The following SLC2A13 variants were observed in gnomAD, a reference collection of about 807,000 sequenced individuals.
The protein encoded by SLC2A13 is solute carrier family 2 member 13, also known as proton myo-inositol cotransporter.
A neutral mutation model predicts 64.4 loss-of-function variants in SLC2A13; 32 were observed. That is an observed-to-expected ratio of 0.50 (90% CI 0.37 to 0.67). SLC2A13 has a LOEUF of 0.67. Among genes scored for constraint, SLC2A13 ranks in the 30% least tolerant of loss-of-function variants. The pLI is 0.00. For missense variants in SLC2A13, 743 were observed against 829.2 expected (o/e 0.90, Z 1.28); for synonymous variants, 338 against 327.1 (o/e 1.03, Z -0.36).
chr12:39,928,029 T>C (rs1052124456), intron 4 of SLC2A13, among the ~76,000 whole-genome samples: 1 of 152,170 alleles, frequency 6.6e-6, no homozygotes, highest in Non-Finnish European at 1.5e-5. Flanking sequence ...AGGAAACGAA[T>C]TACATTTCCG....
Position 39,818,705 on chromosome 12 carries a change from C to T in SLC2A13, c.1445+11398G>A, listed in dbSNP as rs182201684. Among the ~76,000 whole-genome samples, 216 of 152,150 alleles carry T rather than the reference C, an allele frequency of 1.4e-3. 1 individual carries two copies. Among genetic ancestry groups the T allele is most frequent in the African/African-American group, 4.9e-3 (203 of 41,508 alleles). On this transcript the variant is annotated intron_variant, in intron 7 of 9. Coordinates refer to ENST00000280871, the MANE Select transcript of SLC2A13 (RefSeq NM_052885.4). ...GTTTGGTATACTATCTTAGGTTATACAGAAAGTTCTTAAAGTTTGTTGAAC... is the reference window on the plus strand; with the variant it reads ...GTTTGGTATACTATCTTAGGTTATATAGAAAGTTCTTAAAGTTTGTTGAAC...
intron 3 of SLC2A13, among the ~76,000 whole-genome samples, chr12:39,972,495 A>C (rs560361669): frequency 1.3e-5 from 2 of 152,252 alleles, no homozygotes; most frequent in South Asian, 4.1e-4. Flanking sequence ...ATCTTGGCCC[A>C]TATCATCTGC....
intron 7 of SLC2A13, among the ~76,000 whole-genome samples, chr12:39,766,118 A>G (rs1435702342): frequency 2.6e-5 from 4 of 152,066 alleles, no homozygotes; most frequent in Admixed American, 6.6e-5. Context: ...TCTGATCACA[A>G]CCACCACTTT....
chr12:40,018,078 C>G (rs1052988820), intron 3 of SLC2A13, among the ~76,000 whole-genome samples: 1 of 151,252 alleles, frequency 6.6e-6, no homozygotes, highest in East Asian at 1.9e-4. Context: ...CTGATAAAAA[C>G]AGACATACTT....
intron 6 of SLC2A13, among the ~76,000 whole-genome samples, chr12:39,846,062 A>G (rs1250687934): frequency 1.3e-5 from 2 of 152,126 alleles, no homozygotes; most frequent in Admixed American, 1.3e-4. Context: ...ATGTTCATCT[A>G]CCTGTGTAAC....
In SLC2A13 at chr12:39,988,663, GAGGGAGGGAGGGAAGA is replaced by G. The variant is rs758258010; in HGVS notation, c.926-37314_926-37299del. Reference sequence around the variant, plus strand: ...GAGGAGAGGGAGAAAAGGAAGGAGGGAGGGAGGGAGGGAAGAAGGGAGGGAGGGAGGAAGGAAGGAA... The same window carrying G: ...GAGGAGAGGGAGAAAAGGAAGGAGGGAGGGAGGGAGGGAGGAAGGAAGGAA... On this transcript the variant is annotated intron_variant, in intron 3 of 9. Transcript: ENST00000280871. Among the ~76,000 whole-genome samples, 469 of 116,530 alleles carry G rather than the reference GAGGGAGGGAGGGAAGA, an allele frequency of 4.0e-3. 4 individuals carry two copies. The highest frequency in any genetic ancestry group is 0.01 in the Middle Eastern group (2 of 192). The allele number at this position is 116,530 out of a possible 152,430, so 76.4% of individuals were successfully genotyped here. A position where few individuals can be genotyped will look rare whatever the true frequency, so the allele number is the denominator to read the frequency against.
chr12:40,095,162 A>G (rs1210601121), intron 1 of SLC2A13, among the ~76,000 whole-genome samples: 1 of 152,234 alleles, frequency 6.6e-6, no homozygotes, highest in Non-Finnish European at 1.5e-5. Flanking sequence ...CCACTATTAT[A>G]CGATTAGATT....
intron 4 of SLC2A13, among the ~76,000 whole-genome samples, chr12:39,924,885 A>G (rs1945691886): frequency 6.6e-6 from 1 of 152,064 alleles, no homozygotes; most frequent in South Asian, 2.1e-4. Context: ...TTCTTTGTCT[A>G]TGTAATACAT....
chr12:39,932,394 A>T (rs931946954), intron 4 of SLC2A13, among the ~76,000 whole-genome samples: 2 of 152,160 alleles, frequency 1.3e-5, no homozygotes, highest in African/African-American at 4.8e-5. Flanking sequence ...GCAAGACTTG[A>T]CTATAAAAAA....
At chr12:40,098,208 A>G (rs1939028042) in intron 1 of SLC2A13, among the ~76,000 whole-genome samples, 1 of 152,184 alleles carries the variant, frequency 6.6e-6, no homozygotes, top group Non-Finnish European at 1.5e-5. Flanking sequence ...CATATGCTAC[A>G]CCATGATGAA....
At chr12:39,792,336 C>T (rs1343241716) in intron 7 of SLC2A13, among the ~76,000 whole-genome samples, 1 of 151,386 alleles carries the variant, frequency 6.6e-6, no homozygotes, top group East Asian at 1.9e-4. Flanking sequence ...ATGTCCAAAA[C>T]ACCAAAAGCA....
intron 6 of SLC2A13, among the ~76,000 whole-genome samples, chr12:39,834,965 T>G (rs1317704755): frequency 6.6e-6 from 1 of 152,080 alleles, no homozygotes; most frequent in Non-Finnish European, 1.5e-5. Context: ...GAACAACTTC[T>G]AGGAATGGCT....
At chr12:39,894,609 T>C (rs749750838) in intron 4 of SLC2A13, among the ~76,000 whole-genome samples, 17 of 152,198 alleles carry the variant, frequency 1.1e-4, no homozygotes, top group African/African-American at 3.4e-4. Context: ...ACTGAAATGA[T>C]TACAAGGGAA....
intron 6 of SLC2A13, among the ~76,000 whole-genome samples, chr12:39,835,261 C>T (rs1942974832): frequency 6.6e-6 from 1 of 151,998 alleles, no homozygotes; most frequent in African/African-American, 2.4e-5. Flanking sequence ...GTCTAACAAT[C>T]CACCCAGTTC....
At chr12:40,078,695 C>T (rs1938276606) in intron 1 of SLC2A13, among the ~76,000 whole-genome samples, 1 of 152,006 alleles carries the variant, frequency 6.6e-6, no homozygotes, top group African/African-American at 2.4e-5. Flanking sequence ...TCTAGAAGTT[C>T]CAATAGGATT....
chr12:39,867,352 C>A (rs1401119430), intron 5 of SLC2A13, among the ~76,000 whole-genome samples: 1 of 152,016 alleles, frequency 6.6e-6, no homozygotes, highest in Middle Eastern at 3.2e-3. Context: ...AGCACATATC[C>A]AGTAAGGTCC....
At chr12:40,064,189 G>A (rs1948472419) in intron 1 of SLC2A13, among the ~76,000 whole-genome samples, 1 of 152,062 alleles carries the variant, frequency 6.6e-6, no homozygotes, top group Non-Finnish European at 1.5e-5. Context: ...AGGCTGCAGT[G>A]AGCTATAATC....
At chr12:39,819,202 G>T (rs1055754494) in intron 7 of SLC2A13, among the ~76,000 whole-genome samples, 2 of 151,974 alleles carry the variant, frequency 1.3e-5, no homozygotes, top group African/African-American at 4.8e-5. Context: ...TTTTCATCAA[G>T]AACAATAAGG....
chr12:40,093,124 C>T (rs1269321353), intron 1 of SLC2A13, among the ~76,000 whole-genome samples: 1 of 152,210 alleles, frequency 6.6e-6, no homozygotes, highest in Non-Finnish European at 1.5e-5. Context: ...TCCCTAGATA[C>T]ATGGAGAGAC....
Sources: gnomAD v4.1 joint callset for allele counts (sites outside exome capture counted in the v4.1 genomes callset) on GRCh38, gnomAD v4.1.1 for gene constraint, MANE v1.5 for transcripts, NCBI Gene and HGNC (gene_info 2026-07-23, HGNC 2026-07-21) for gene names.